Variants in DOCK3 observed in about 807,000 individuals in gnomAD.
The protein encoded by DOCK3 is dedicator of cytokinesis 3.
DOCK3 carries 60 observed loss-of-function variants against 265.6 expected under a neutral mutation model. That is an observed-to-expected ratio of 0.23 (90% CI 0.18 to 0.28). The LOEUF is 0.28. Among genes scored for constraint, DOCK3 ranks in the 10% least tolerant of loss-of-function variants. The pLI is 1.00. For missense variants in DOCK3, 1,981 were observed against 2,594.3 expected, an observed-to-expected ratio of 0.76 and a Z score of 5.14; for synonymous variants, 881 against 938.0, an observed-to-expected ratio of 0.94 and a Z score of 1.11.
intron 32 of DOCK3, among the ~76,000 whole-genome samples, chr3:51,319,886 CA>C (rs2083587283): frequency 6.6e-6 from 1 of 151,536 alleles, no homozygotes; most frequent in Non-Finnish European, 1.5e-5. Flanking sequence ...ACAACAACAA[CA>C]AAAAAACGCA....
intron 5 of DOCK3, among the ~76,000 whole-genome samples, chr3:50,962,743 ACATG>A: frequency 6.6e-6 from 1 of 152,272 alleles, no homozygotes; most frequent in Admixed American, 6.5e-5. Context: ...TCTTTCTTAT[ACATG>A]CTTTCATCTC....
chr3:51,042,557 A>C (rs2080576474), intron 5 of DOCK3, among the ~76,000 whole-genome samples: 1 of 151,862 alleles, frequency 6.6e-6, no homozygotes, highest in Non-Finnish European at 1.5e-5. Flanking sequence ...CTCTCTCACC[A>C]CTCCTGTTCG....
intron 5 of DOCK3, among the ~76,000 whole-genome samples, chr3:50,934,706 A>G (rs1267172481): frequency 1.3e-5 from 2 of 152,072 alleles, no homozygotes; most frequent in Admixed American, 6.5e-5. Context: ...AGTCCTAGCT[A>G]CTTGGGAGGC....
intron 24 of DOCK3, 41 bp downstream of exon 24, chr3:51,271,048 G>T (rs570790999): frequency 4.4e-6 from 7 of 1,577,188 alleles, no homozygotes; most frequent in Non-Finnish European, 5.2e-6. Context: ...CCTTCCAGGG[G>T]TGTCCTCCTT....
chr3:50,889,064 T>TGGGG (rs72127289), intron 3 of DOCK3, among the ~76,000 whole-genome samples: 105 of 124,324 alleles, frequency 8.4e-4, no homozygotes, highest in African/African-American at 3.2e-3. Flanking sequence ...ATTTAAGCCA[T>TGGGG]GGGTGTGTGT....
intron 9 of DOCK3, among the ~76,000 whole-genome samples, chr3:51,124,795 C>G (rs1401770686): frequency 6.6e-6 from 1 of 152,080 alleles, no homozygotes; most frequent in African/African-American, 2.4e-5. Flanking sequence ...AATCTTGTCT[C>G]TGTAGCTTAT....
intron 12 of DOCK3, among the ~76,000 whole-genome samples, chr3:51,165,678 A>G (rs2086366593): frequency 6.6e-6 from 1 of 152,146 alleles, no homozygotes; most frequent in African/African-American, 2.4e-5. Flanking sequence ...TCCTCATATT[A>G]GTGAGAGATT....
chr3:50,825,300 G>GAA (rs1329186703), intron 2 of DOCK3, among the ~76,000 whole-genome samples: 1 of 152,164 alleles, frequency 6.6e-6, no homozygotes, highest in Non-Finnish European at 1.5e-5. Flanking sequence ...TGAAAGAGTG[G>GAA]AAACTGTCGC....
chr3:51,115,192 T>C (rs528669108), intron 9 of DOCK3, among the ~76,000 whole-genome samples: 1 of 152,350 alleles, frequency 6.6e-6, no homozygotes, highest in South Asian at 2.1e-4. Flanking sequence ...ATGGTATTTC[T>C]AGTTGTAGAT....
intron 2 of DOCK3, among the ~76,000 whole-genome samples, chr3:50,840,936 C>T (rs758989167): frequency 6.6e-6 from 1 of 152,116 alleles, no homozygotes; most frequent in Non-Finnish European, 1.5e-5. Context: ...AAACTCTCAA[C>T]GATAACCTCT....
At chr3:51,039,840 T>A (rs1326744736) in intron 5 of DOCK3, among the ~76,000 whole-genome samples, 1 of 151,642 alleles carries the variant, frequency 6.6e-6, no homozygotes, top group Admixed American at 6.6e-5. Context: ...AATAGAAATG[T>A]AATCACCCTC....
chr3:51,111,385 A>G (rs940194392), intron 9 of DOCK3, among the ~76,000 whole-genome samples: 7 of 152,244 alleles, frequency 4.6e-5, no homozygotes, highest in African/African-American at 1.7e-4. Context: ...AAACAGACAC[A>G]TAGACCAGTG....
chr3:50,921,061 G>T (rs1399263130), intron 4 of DOCK3, among the ~76,000 whole-genome samples: 3 of 152,218 alleles, frequency 2.0e-5, no homozygotes, highest in East Asian at 1.9e-4. Context: ...GAGCAGTTTA[G>T]AGTGAGTTTC....
chr3:51,304,346 G>GC (rs1296963062), intron 27 of DOCK3, among the ~76,000 whole-genome samples: 1 of 151,908 alleles, frequency 6.6e-6, no homozygotes, highest in Non-Finnish European at 1.5e-5. Flanking sequence ...CCATAGTGAT[G>GC]CCTGCTGCCC....
intron 12 of DOCK3, among the ~76,000 whole-genome samples, chr3:51,188,153 A>C (rs2087728434): frequency 6.6e-6 from 1 of 152,110 alleles, no homozygotes; most frequent in African/African-American, 2.4e-5. Flanking sequence ...ATTTTAAACT[A>C]TTTTCACTTT....
At chr3:51,355,163 G>T in intron 41 of DOCK3, 140 bp downstream of exon 41, 6 of 1,231,512 alleles carry the variant, frequency 4.9e-6, no homozygotes, top group Non-Finnish European at 6.6e-6. Flanking sequence ...TGTCCTCATT[G>T]CTTAGCACAC....
chr3:51,298,702 G>C (rs1437268606), intron 27 of DOCK3, among the ~76,000 whole-genome samples: 1 of 152,078 alleles, frequency 6.6e-6, no homozygotes, highest in African/African-American at 2.4e-5. Flanking sequence ...TGAGGATAAT[G>C]GCTTCCAGCT....
chr3:50,877,566 G>A (rs1384230776), intron 3 of DOCK3: 1 of 519,424 alleles, frequency 1.9e-6, no homozygotes, highest in Non-Finnish European at 3.9e-6. Flanking sequence ...GAATGGTCAA[G>A]CGAGGATTCA....
chr3:51,291,293 G>T (rs944242563), intron 27 of DOCK3, among the ~76,000 whole-genome samples: 13 of 150,996 alleles, frequency 8.6e-5, no homozygotes, highest in South Asian at 4.2e-4. Context: ...AAAGAAATAA[G>T]AAATATCAGA....
Sources: gnomAD v4.1 joint callset for allele counts (sites outside exome capture counted in the v4.1 genomes callset) on GRCh38, gnomAD v4.1.1 for gene constraint, MANE v1.5 for transcripts, NCBI Gene and HGNC (gene_info 2026-07-23, HGNC 2026-07-21) for gene names.